Variants in ZNF16 observed in about 807,000 individuals in gnomAD.
The protein encoded by ZNF16 is zinc finger protein 16, also known as zinc finger protein KOX9.
A neutral mutation model predicts 9.0 loss-of-function variants in ZNF16; 7 were observed. The observed-to-expected ratio is 0.78, with a 90% confidence interval of 0.44 to 1.47. The LOEUF (loss-of-function observed/expected upper bound fraction) is 1.47, where lower values mean the gene tolerates loss of function less well. ZNF16 is among the 40% of genes most tolerant of loss of function. The pLI, the probability that ZNF16 is intolerant of heterozygous loss-of-function variation, is 0.01. For synonymous variants in ZNF16, 312 were observed against 301.5 expected (o/e 1.03, Z -0.36); for missense variants, 830 against 854.2 (o/e 0.97, Z 0.35).
At position 144,932,139 on chromosome 8, in the gene ZNF16, T is replaced by C; in HGVS notation, c.648A>G (p.Lys216=). The change falls in exon 3 of 3, where the codon AAA becomes AAG. Residue 216 remains lysine, a synonymous_variant. Transcript: ENST00000394909. The surrounding 1 kb of genome is among the most constrained non-coding windows in gnomAD (Gnocchi z 5.0). Reference sequence around the variant, plus strand: ...TAAGGTCAGGATTTCCTTGGAAGGTTTTCCCACACTCATTACATATGAGTG... The same window carrying C: ...TAAGGTCAGGATTTCCTTGGAAGGTCTTCCCACACTCATTACATATGAGTG... ...ESPLICNECG[K]TFQGNPDLIQ... is the part of the protein sequence containing the mutation. 6.2e-7 allele frequency: 1 copy of C among 1,614,116 alleles called. No individual in the cohort carries two copies. Among genetic ancestry groups the C allele is most frequent in the Non-Finnish European group, 8.5e-7 (1 of 1,180,016 alleles).
Position 144,930,447 on chromosome 8 carries a change from C to CATGAAT in ZNF16, c.*285_*290dup. 2.8e-6 allele frequency: 1 copy of CATGAAT among 353,376 alleles called. No individual in the cohort carries two copies. The highest frequency in any genetic ancestry group is 5.1e-6 in the Non-Finnish European group (1 of 195,994). 21.9% of individuals were successfully genotyped at this position (353,376 alleles called of 1,614,324 possible). On this transcript the variant is annotated 3_prime_UTR_variant, in exon 3 of 3. Transcript: ENST00000394909. ...TTTCATTATAATAATAAACTCTATT[C>CATGAAT]ATGAATATGCAGCCTCCATAATCTT...
At position 144,931,909 on chromosome 8, in the gene ZNF16, T is replaced by C. The variant is rs758593221; in HGVS notation, c.878A>G (p.Tyr293Cys). ...GGCTTTTCCACATTCATTACACATA[T>C]AAGGCCTCTCACTGCTGTGGTGACT... ...HQSHHSSERP[Y>C]MCNECGKAFS... The change falls in exon 3 of 3, where the codon TAT (tyrosine) becomes TGT (cysteine). Residue 293 changes from tyrosine (Y) to cysteine (C), a missense_variant. By Grantham distance (194) the Tyr-to-Cys change is radical (BLOSUM62 -2). Coordinates refer to ENST00000394909, the MANE Select transcript of ZNF16 (RefSeq NM_006958.3). 1.2e-6 allele frequency: 2 copies of C among 1,614,058 alleles called. No homozygotes were observed. Among genetic ancestry groups the C allele is most frequent in the Non-Finnish European group, 1.7e-6 (2 of 1,180,036 alleles).
At position 144,950,072 on chromosome 8, in the gene ZNF16, T is replaced by C. The variant is rs192724942; in HGVS notation, c.-10+725A>G. Among the ~76,000 whole-genome samples the C allele has an allele frequency of 1.3e-3, 205 of 152,356 alleles. 1 individual carries two copies. Among genetic ancestry groups the C allele is most frequent in the African/African-American group, 4.7e-3 (195 of 41,590 alleles). ...GAGACATGTTGGCAGCAATGCTGCCTTGTTATTCTTTACTCCACTGAGATG... is the reference window on the plus strand; with the variant it reads ...GAGACATGTTGGCAGCAATGCTGCCCTGTTATTCTTTACTCCACTGAGATG... On this transcript the variant is annotated intron_variant, in intron 1 of 2. Transcript: ENST00000394909.
intron 2 of ZNF16, among the ~76,000 whole-genome samples, chr8:144,942,046 T>G (rs1362153555): frequency 1.4e-5 from 2 of 143,066 alleles, no homozygotes. Context: ...GGCGCGATCT[T>G]GGCTCATTGC....
At chr8:144,949,790 T>C (rs1416130120) in intron 1 of ZNF16, among the ~76,000 whole-genome samples, 3 of 152,222 alleles carry the variant, frequency 2.0e-5, no homozygotes, top group African/African-American at 7.2e-5. Context: ...AGCCGGGTAT[T>C]GTCCAAGATT....
intron 2 of ZNF16, among the ~76,000 whole-genome samples, chr8:144,934,982 T>C (rs961126987): frequency 2.0e-5 from 3 of 152,096 alleles, no homozygotes; most frequent in African/African-American, 7.2e-5. Context: ...ATGGCGACCA[T>C]GAGGAACGGG....
intron 2 of ZNF16, among the ~76,000 whole-genome samples, chr8:144,943,664 C>T (rs947076453): frequency 6.6e-6 from 1 of 151,270 alleles, no homozygotes; most frequent in Non-Finnish European, 1.5e-5. Flanking sequence ...GGACTACAGG[C>T]ATGCATCACC....
chr8:144,930,695 G>A lies in ZNF16; in HGVS notation c.*43C>T, dbSNP rs199842532. 6.6e-7 allele frequency: 1 copy of A among 1,512,896 alleles called. No individual in the cohort carries two copies. Among genetic ancestry groups the A allele is most frequent in the East Asian group, 2.3e-5 (1 of 43,928 alleles). The allele number at this position is 1,512,896 out of a possible 1,614,324, so 93.7% of individuals were successfully genotyped here. A position where few individuals can be genotyped will look rare whatever the true frequency, so the allele number is the denominator to read the frequency against. ...TGAGACAATGGCCAAAGAGGAGTTG[G>A]AGAGGAAACTATGCTCGGTTTCACT... is the stretch of plus-strand genomic sequence containing the variant. On this transcript the variant is annotated 3_prime_UTR_variant, in exon 3 of 3. Coordinates refer to ENST00000394909, the MANE Select transcript of ZNF16 (RefSeq NM_006958.3).
intron 1 of ZNF16, among the ~76,000 whole-genome samples, chr8:144,947,212 T>C (rs35676657): frequency 1.4e-4 from 16 of 115,494 alleles, no homozygotes; most frequent in Admixed American, 3.6e-4. Context: ...GCTGTTGGGC[T>C]TGTGTCCTGC....
intron 1 of ZNF16, among the ~76,000 whole-genome samples, chr8:144,947,026 T>G (rs1217681044): frequency 3.2e-5 from 3 of 94,524 alleles, no homozygotes; most frequent in African/African-American, 1.6e-4. Context: ...ATCCTGCTGT[T>G]GGGCCTGTGT....
chr8:144,938,302 G>A (rs982740458), intron 2 of ZNF16, among the ~76,000 whole-genome samples: 1 of 152,138 alleles, frequency 6.6e-6, no homozygotes, highest in African/African-American at 2.4e-5. Flanking sequence ...TGCAAAAAAT[G>A]GCCATTGTAA....
chr8:144,935,948 T>G (rs1191196788), intron 2 of ZNF16, among the ~76,000 whole-genome samples: 1 of 150,476 alleles, frequency 6.6e-6, no homozygotes, highest in East Asian at 1.9e-4. Context: ...GAAATTAACA[T>G]AACATAAAAT....
chr8:144,942,443 ATG>A (rs1833826214), intron 2 of ZNF16, among the ~76,000 whole-genome samples: 1 of 151,236 alleles, frequency 6.6e-6, no homozygotes, highest in African/African-American at 2.4e-5. Flanking sequence ...GCCCACCACC[ATG>A]CCCAGCTAAT....
chr8:144,949,917 T>A (rs1404215877), intron 1 of ZNF16, among the ~76,000 whole-genome samples: 5 of 152,144 alleles, frequency 3.3e-5, no homozygotes, highest in East Asian at 1.9e-4. Context: ...GAGAAAAGCC[T>A]CTTGCAGTTG....
chr8:144,947,086 CA>C (rs1833972272), intron 1 of ZNF16, among the ~76,000 whole-genome samples: 1 of 125,608 alleles, frequency 8.0e-6, no homozygotes. Flanking sequence ...TACTGTGGGC[CA>C]TACCCTGCTG....
At chr8:144,938,950 A>G (rs1428796143) in intron 2 of ZNF16, among the ~76,000 whole-genome samples, 1 of 151,906 alleles carries the variant, frequency 6.6e-6, no homozygotes, top group Non-Finnish European at 1.5e-5. Flanking sequence ...TAACTGTGAA[A>G]GTGTTAGATT....
At position 144,931,282 on chromosome 8, in the gene ZNF16, G is replaced by A. The variant is rs1204402225; in HGVS notation, c.1505C>T (p.Ser502Leu). 1.2e-6 allele frequency: 2 copies of A among 1,614,200 alleles called. No individual in the cohort carries two copies. Among genetic ancestry groups the A allele is most frequent in the Admixed American group, 1.7e-5 (1 of 60,036 alleles). The change falls in exon 3 of 3, where the codon TCA becomes TTA. Residue 502 changes from serine to leucine, a missense_variant. Transcript: ENST00000394909. Reference sequence around the variant, plus strand: ...CACGCCCTGGTGCTGAATGAGGGCTGAGCTGTGGCTGAAGGCCTTCCCACA... The same window carrying A: ...CACGCCCTGGTGCTGAATGAGGGCTAAGCTGTGGCTGAAGGCCTTCCCACA... ...SVCGKAFSHS[S>L]ALIQHQGVHT...
chr8:144,941,476 A>T (rs1833795431), intron 2 of ZNF16, among the ~76,000 whole-genome samples: 1 of 152,114 alleles, frequency 6.6e-6, no homozygotes, highest in African/African-American at 2.4e-5. Flanking sequence ...GTTTTCTTAC[A>T]CATTCTGTCA....
At position 144,931,654 on chromosome 8, in the gene ZNF16, T is replaced by C. The variant is rs1833545479; in HGVS notation, c.1133A>G (p.Glu378Gly). ...HRTHTGEKPFECGECGKAFSQ... is the reference protein window; with the variant it reads ...HRTHTGEKPFGCGECGKAFSQ... ...GAAGGCTTTCCCACACTCGCCACACTCAAAAGGCTTCTCTCCTGTGTGAGT... is the reference window on the plus strand; with the variant it reads ...GAAGGCTTTCCCACACTCGCCACACCCAAAAGGCTTCTCTCCTGTGTGAGT... Residue 378 changes from glutamate to glycine, a missense_variant, in exon 3 of 3, where the codon GAG becomes GGG. Transcript: ENST00000394909. The C allele has an allele frequency of 1.2e-6, 2 of 1,613,016 alleles. No homozygotes were observed. The highest frequency in any genetic ancestry group is 1.7e-6 in the Non-Finnish European group (2 of 1,179,690).
Sources: allele counts gnomAD v4.1 joint callset (sites outside exome capture counted in the v4.1 genomes callset), GRCh38; gene constraint gnomAD v4.1.1; non-coding constraint Gnocchi (gnomAD v3.1); transcripts MANE v1.5; gene names NCBI Gene and HGNC (gene_info 2026-07-23, HGNC 2026-07-21).